Variants in SPARCL1 observed in about 807,000 individuals in gnomAD.
SPARCL1 encodes SPARC like 1, also known as SPARC-like protein 1.
A neutral mutation model predicts 67.1 loss-of-function variants in SPARCL1; 52 were observed. The ratio of observed to expected loss-of-function variants is 0.78; its 90% CI spans 0.62 to 0.98. The LOEUF (loss-of-function observed/expected upper bound fraction) is 0.98, where lower values mean the gene tolerates loss of function less well. Among genes scored for constraint, SPARCL1 ranks in the 50% least tolerant of loss-of-function variants. SPARCL1 has a pLI of 0.00. For synonymous variants in SPARCL1, 226 were observed against 267.8 expected, an observed-to-expected ratio of 0.84 and a Z score of 1.52; for missense variants, 717 against 782.4, an observed-to-expected ratio of 0.92 and a Z score of 1.00.
chr4:87,517,747 T>C (rs953186540), intron 1 of SPARCL1, among the ~76,000 whole-genome samples: 11 of 152,154 alleles, frequency 7.2e-5, no homozygotes, highest in Non-Finnish European at 1.6e-4. Flanking sequence ...ATTCTGCTAG[T>C]TGGGAGAGGA....
At chr4:87,498,666 T>C (rs1366863189) in intron 2 of SPARCL1, among the ~76,000 whole-genome samples, 1 of 152,170 alleles carries the variant, frequency 6.6e-6, no homozygotes, top group Non-Finnish European at 1.5e-5. Flanking sequence ...TATCTGACCA[T>C]GAAGAAGAGA....
chr4:87,490,914 G>C (rs781291932), intron 5 of SPARCL1, 36 bp from the exon 6 acceptor site: 12 of 1,141,366 alleles, frequency 1.1e-5, no homozygotes, highest in African/African-American at 1.6e-5. Flanking sequence ...CATGGACAAA[G>C]TTAAATTGAG....
intron 1 of SPARCL1, among the ~76,000 whole-genome samples, chr4:87,526,227 A>G (rs1332303671): frequency 6.6e-6 from 1 of 152,240 alleles, no homozygotes; most frequent in Non-Finnish European, 1.5e-5. Flanking sequence ...GAAGTCTCAT[A>G]GTAATAAATA....
At chr4:87,525,676 A>T (rs1438123712) in intron 1 of SPARCL1, among the ~76,000 whole-genome samples, 2 of 152,232 alleles carry the variant, frequency 1.3e-5, no homozygotes, top group African/African-American at 2.4e-5. Context: ...AAATCTTTAA[A>T]GGAAACATTT....
rs1724556318 is a variant in SPARCL1, at chr4:87,494,973, A to T, written c.201+8T>A. ...AAATTGTATTAATATAAATGATGTT[A>T]CTTTTACCTTATGGTGGGAATCGTC... On this transcript the variant is annotated splice_region_variant and intron_variant, in intron 3 of 10. Coordinates refer to ENST00000282470, the MANE Select transcript of SPARCL1 (RefSeq NM_004684.6). 1.3e-6 allele frequency: 2 copies of T among 1,592,582 alleles called. No homozygotes were observed. The highest frequency in any genetic ancestry group is 2.7e-5 in the African/African-American group (2 of 73,342).
chr4:87,507,151 C>T (rs76460348), intron 1 of SPARCL1, among the ~76,000 whole-genome samples: 13,305 of 152,150 alleles, frequency 0.087, 758 homozygotes, highest in Non-Finnish European at 0.13. Context: ...GGAGTATTTC[C>T]GACATTCATC....
intron 1 of SPARCL1, among the ~76,000 whole-genome samples, chr4:87,525,909 A>G (rs1726018643): frequency 6.6e-6 from 1 of 151,968 alleles, no homozygotes; most frequent in South Asian, 2.1e-4. Flanking sequence ...TGCTAGGAAC[A>G]TAGGGGAGAG....
intron 1 of SPARCL1, among the ~76,000 whole-genome samples, chr4:87,519,879 C>T (rs1410893355): frequency 6.6e-6 from 1 of 152,164 alleles, no homozygotes; most frequent in Non-Finnish European, 1.5e-5. Context: ...AGCAGTACTA[C>T]AGTCTCACTA....
Position 87,499,520 on chromosome 4 carries a change from C to T in SPARCL1, c.54+1G>A. 1 of 1,602,632 alleles carries T rather than the reference C, an allele frequency of 6.2e-7. No homozygotes were observed. ...GTAATAACAGAAGAAAGGAAATTTA[C>T]CGGGATTGCAGCTGCAGTTCCCAAG... On this transcript the variant is annotated splice_donor_variant, in intron 2 of 10. Coordinates refer to ENST00000282470, the MANE Select transcript of SPARCL1 (RefSeq NM_004684.6). LOFTEE classifies it high-confidence loss of function.
intron 10 of SPARCL1, 100 bp from the exon 11 acceptor site, chr4:87,473,903 G>T (rs1455207284): frequency 3.8e-6 from 3 of 786,304 alleles, no homozygotes; most frequent in African/African-American, 3.5e-5. Context: ...CATCTAATAA[G>T]GCAGTATAAT....
chr4:87,503,957 A>G (rs932232752), intron 1 of SPARCL1, among the ~76,000 whole-genome samples: 1 of 151,948 alleles, frequency 6.6e-6, no homozygotes, highest in African/African-American at 2.4e-5. Context: ...CAGCAAATGA[A>G]GTTTTTATTG....
In SPARCL1 at chr4:87,479,457, A is replaced by G. The variant is rs765973589; in HGVS notation, c.1939T>C (p.Trp647Arg). The change falls in exon 10 of 11, where the codon TGG (tryptophan) becomes CGG (arginine). Residue 647 changes from tryptophan (W) to arginine (R), a missense_variant. Physicochemically the swap from Trp to Arg is moderately radical, Grantham distance 101. Coordinates refer to ENST00000282470, the MANE Select transcript of SPARCL1 (RefSeq NM_004684.6). Reference sequence around the variant, plus strand: ...TCTTTAATTCCAAAGCAGTGGCCCCACTCCTTCAGGGTGATGTGCTTATCC... The same window carrying G: ...TCTTTAATTCCAAAGCAGTGGCCCCGCTCCTTCAGGGTGATGTGCTTATCC... Reference protein sequence around the residue: ...NKDKHITLKEWGHCFGIKEED... With the variant: ...NKDKHITLKERGHCFGIKEED... The G allele has an allele frequency of 1.4e-4, 224 of 1,613,422 alleles. No homozygotes were observed. The highest frequency in any genetic ancestry group is 1.8e-4 in the Non-Finnish European group (209 of 1,179,934).
chr4:87,499,429 A>G (rs1464030731), intron 2 of SPARCL1, 92 bp downstream of exon 2: 3 of 999,906 alleles, frequency 3.0e-6, no homozygotes, highest in African/African-American at 1.7e-5. Flanking sequence ...AGAATTTCAA[A>G]CCATTATATA....
intron 8 of SPARCL1, 72 bp downstream of exon 8, chr4:87,482,352 C>G (rs572339390): frequency 1.3e-6 from 2 of 1,515,180 alleles, no homozygotes; most frequent in East Asian, 4.6e-5. Flanking sequence ...AGGTAGGTAG[C>G]CCCCCCACCA....
intron 10 of SPARCL1, among the ~76,000 whole-genome samples, chr4:87,474,348 C>T (rs1363268775): frequency 6.6e-6 from 1 of 152,092 alleles, no homozygotes; most frequent in Non-Finnish European, 1.5e-5. Flanking sequence ...GGTAATTTTC[C>T]TGCTAATAAT....
At chr4:87,514,326 C>T (rs1725497776) in intron 1 of SPARCL1, among the ~76,000 whole-genome samples, 1 of 152,210 alleles carries the variant, frequency 6.6e-6, no homozygotes, top group African/African-American at 2.4e-5. Context: ...TATTTTAAGG[C>T]ATAGAACAAG....
Position 87,473,496 on chromosome 4 carries a change from TAAGTC to T in SPARCL1, c.*274_*278del, listed in dbSNP as rs1239989495. On this transcript the variant is annotated 3_prime_UTR_variant, in exon 11 of 11. Coordinates refer to ENST00000282470, the MANE Select transcript of SPARCL1 (RefSeq NM_004684.6). ...AATAGTTTAATCATTAATTATCTCA[TAAGTC>T]AATGCAGAGAGTGAAATTACTATGA... 3.4e-6 allele frequency: 1 copy of T among 293,794 alleles called. No homozygotes were observed. Among genetic ancestry groups the T allele is most frequent in the African/African-American group, 2.2e-5 (1 of 46,060 alleles). 18.2% of individuals were successfully genotyped at this position (293,794 alleles called of 1,614,324 possible).
intron 1 of SPARCL1, among the ~76,000 whole-genome samples, chr4:87,508,512 C>T (rs1389553082): frequency 6.6e-6 from 1 of 151,982 alleles, no homozygotes; most frequent in Non-Finnish European, 1.5e-5. Flanking sequence ...TTCTTGGCCT[C>T]TCCATGCAAC....
intron 4 of SPARCL1, among the ~76,000 whole-genome samples, 169 bp downstream of exon 4, chr4:87,493,413 A>C (rs575415253): frequency 6.6e-6 from 1 of 152,354 alleles, no homozygotes; most frequent in African/African-American, 2.4e-5. Flanking sequence ...TAAAACAGGC[A>C]TTCTCAGCCT....
Sources: allele counts gnomAD v4.1 joint callset (sites outside exome capture counted in the v4.1 genomes callset), GRCh38; gene constraint gnomAD v4.1.1; transcripts MANE v1.5; gene names NCBI Gene and HGNC (gene_info 2026-07-23, HGNC 2026-07-21).